TTLL11: variants seen among roughly 807,000 people sequenced by gnomAD.
TTLL11 encodes tubulin tyrosine ligase like 11.
TTLL11 carries 42 observed loss-of-function variants against 51.7 expected under a neutral mutation model. The observed-to-expected ratio is 0.81, with a 90% CI of 0.64 to 1.05. TTLL11 has a LOEUF of 1.05. TTLL11 is among the 50% of genes least tolerant of loss of function. The probability of loss-of-function intolerance (pLI) is 0.00; values close to 1 mark genes in which losing one functional copy is unlikely to be tolerated. For missense variants in TTLL11, 799 were observed against 940.4 expected (o/e 0.85, Z 1.97); for synonymous variants, 381 against 383.5 (o/e 0.99, Z 0.08).
chr9:122,089,717 GAGGA>G (rs1158358422), intron 1 of TTLL11, among the ~76,000 whole-genome samples: 3 of 152,186 alleles, frequency 2.0e-5, no homozygotes, highest in African/African-American at 7.2e-5. Context: ...ATGCAGTAAT[GAGGA>G]AGGGTGACAG....
rs144048967 is a variant in TTLL11, at chr9:121,818,946, C to T, written c.*3641G>A. 4.8e-3 allele frequency: 732 copies of T among 152,574 alleles called. 7 individuals carry two copies. Among genetic ancestry groups the T allele is most frequent in the African/African-American group, 0.016 (678 of 41,546 alleles). 9.5% of individuals were successfully genotyped at this position (152,574 alleles called of 1,614,324 possible). A position where few individuals can be genotyped will look rare whatever the true frequency, so the allele number is the denominator to read the frequency against. ...GCTCTGTGGCTCTCCAAGTTCCTTC[C>T]AGACCTATGGAGATGGAGGGTAGGG... On this transcript the variant is annotated 3_prime_UTR_variant, in exon 9 of 9. Transcript: ENST00000321582.
chr9:121,861,386 A>G (rs1410206332), intron 7 of TTLL11, among the ~76,000 whole-genome samples: 2 of 151,882 alleles, frequency 1.3e-5, no homozygotes, highest in Non-Finnish European at 2.9e-5. Flanking sequence ...CAGGAGAGCA[A>G]GTCTTGAGTT....
intron 1 of TTLL11, among the ~76,000 whole-genome samples, chr9:122,069,114 C>A (rs1208822794): frequency 6.6e-6 from 1 of 152,212 alleles, no homozygotes; most frequent in Non-Finnish European, 1.5e-5. Flanking sequence ...AGTGAATACA[C>A]ACAGTGAACA....
chr9:121,905,011 T>C (rs1355902145), intron 6 of TTLL11, among the ~76,000 whole-genome samples: 1 of 152,224 alleles, frequency 6.6e-6, no homozygotes, highest in African/African-American at 2.4e-5. Flanking sequence ...TCTTTCACTT[T>C]GAAAAGCTCA....
chr9:122,005,938 C>T (rs1588198327), intron 3 of TTLL11, among the ~76,000 whole-genome samples: 4 of 152,322 alleles, frequency 2.6e-5, no homozygotes, highest in Admixed American at 1.3e-4. Context: ...GGTGAATAAT[C>T]TATCTGTATA....
At chr9:121,856,266 T>C (rs1445735757) in intron 8 of TTLL11, among the ~76,000 whole-genome samples, 2 of 152,062 alleles carry the variant, frequency 1.3e-5, no homozygotes, top group African/African-American at 4.8e-5. Flanking sequence ...AGAGACGGGG[T>C]CTTGCTATGT....
At chr9:122,018,427 T>G (rs1210900839) in intron 3 of TTLL11, among the ~76,000 whole-genome samples, 1 of 152,206 alleles carries the variant, frequency 6.6e-6, no homozygotes, top group Admixed American at 6.5e-5. Context: ...TAATGCCATA[T>G]TCTTAAAAAA....
chr9:122,022,366 G>GA (rs1198234547), intron 3 of TTLL11, among the ~76,000 whole-genome samples: 3 of 151,438 alleles, frequency 2.0e-5, no homozygotes, highest in African/African-American at 4.8e-5. Context: ...CAATGATAAA[G>GA]AAAAAATATT....
At chr9:121,948,968 G>T (rs1428959956) in intron 6 of TTLL11, among the ~76,000 whole-genome samples, 1 of 152,114 alleles carries the variant, frequency 6.6e-6, no homozygotes, top group Non-Finnish European at 1.5e-5. Context: ...TCTTACCAAG[G>T]CATGGCTGCC....
At chr9:122,076,362 A>T (rs1845859070) in intron 1 of TTLL11, among the ~76,000 whole-genome samples, 2 of 152,218 alleles carry the variant, frequency 1.3e-5, no homozygotes, top group African/African-American at 4.8e-5. Context: ...TGGCAAGGCA[A>T]GAATCAGACT....
At chr9:121,842,031 G>A (rs1401435591) in intron 8 of TTLL11, among the ~76,000 whole-genome samples, 1 of 152,078 alleles carries the variant, frequency 6.6e-6, no homozygotes, top group Non-Finnish European at 1.5e-5. Flanking sequence ...CCACCTCTCA[G>A]GGGGCAAAGG....
At chr9:122,066,735 A>G (rs1845593481) in intron 1 of TTLL11, among the ~76,000 whole-genome samples, 2 of 152,152 alleles carry the variant, frequency 1.3e-5, no homozygotes, top group African/African-American at 2.4e-5. Flanking sequence ...CCAGAGTAGT[A>G]TGGTCCGTTT....
chr9:121,822,764 C>T lies in TTLL11; in HGVS notation c.1956G>A (p.Leu652=), dbSNP rs752061350. ...ASLIDLCEYH[L]SLLDEKRLVC... is the part of the protein sequence containing the mutation. ...CCAGGCGTTTTTCATCCAGCAGGGACAGGTGGTACTCGCAAAGGTCAATCA... is the reference window on the plus strand; with the variant it reads ...CCAGGCGTTTTTCATCCAGCAGGGATAGGTGGTACTCGCAAAGGTCAATCA... The change falls in exon 9 of 9, where the codon CTG becomes CTA. Residue 652 remains leucine (L), a synonymous_variant. Transcript: ENST00000321582. The surrounding 1 kb of genome is among the most constrained non-coding windows in gnomAD (Gnocchi z 5.8). 10 of 1,551,588 alleles carry T rather than the reference C, an allele frequency of 6.4e-6. No homozygotes were observed. The South Asian group carries it at 1.2e-4, about 18-fold the overall frequency.
At position 121,816,293 on chromosome 9, in the gene TTLL11, G is replaced by A. The variant is rs1467080593; in HGVS notation, c.*6294C>T. On this transcript the variant is annotated 3_prime_UTR_variant, in exon 9 of 9. Coordinates refer to ENST00000321582, the MANE Select transcript of TTLL11 (RefSeq NM_001139442.2). ...GGAAAATATCCCTGCGGTCTGCGAGGGGCTTGGGGGAGCAGTCAGTGTTCT... is the reference window on the plus strand; with the variant it reads ...GGAAAATATCCCTGCGGTCTGCGAGAGGCTTGGGGGAGCAGTCAGTGTTCT... 1 of 152,210 alleles carries A rather than the reference G, an allele frequency of 6.6e-6. No individual in the cohort carries two copies. Among genetic ancestry groups the A allele is most frequent in the Non-Finnish European group, 1.5e-5 (1 of 68,040 alleles). 9.4% of individuals were successfully genotyped at this position (152,210 alleles called of 1,614,324 possible).
intron 6 of TTLL11, among the ~76,000 whole-genome samples, chr9:121,873,225 G>C (rs1174427915): frequency 6.6e-6 from 1 of 152,200 alleles, no homozygotes; most frequent in Non-Finnish European, 1.5e-5. Flanking sequence ...ACTTTGCACA[G>C]TAGACTGTTA....
chr9:122,046,419 TC>T (rs1178246502), intron 1 of TTLL11, among the ~76,000 whole-genome samples: 1 of 152,154 alleles, frequency 6.6e-6, no homozygotes, highest in Non-Finnish European at 1.5e-5. Context: ...CAATTAAACC[TC>T]TTTCCCTTAT....
chr9:121,932,138 G>A lies in TTLL11; in HGVS notation c.1481+41871C>T, dbSNP rs79872019. 4.0e-3 allele frequency among the ~76,000 whole-genome samples: 610 copies of A among 152,152 alleles called. 9 individuals are homozygous for A. The highest frequency in any genetic ancestry group is 4.4e-3 in the Non-Finnish European group (302 of 68,018). ...TGCATATTCTATTTATCTCCATTAC[G>A]AGCCTATGAGTTCTTGAGAGTTGAC... On this transcript the variant is annotated intron_variant, in intron 6 of 8. Transcript: ENST00000321582.
At position 121,819,637 on chromosome 9, in the gene TTLL11, C is replaced by G. The variant is rs1043951012; in HGVS notation, c.*2950G>C. Among the ~76,000 whole-genome samples the G allele has an allele frequency of 6.6e-6, 1 of 152,056 alleles. No homozygotes were observed. Among genetic ancestry groups the G allele is most frequent in the African/African-American group, 2.4e-5 (1 of 41,390 alleles). On this transcript the variant is annotated 3_prime_UTR_variant, in exon 9 of 9. Coordinates refer to ENST00000321582, the MANE Select transcript of TTLL11 (RefSeq NM_001139442.2). ...GGGCAAGAGAGCGGGAGGGAGAAGA[C>G]GCTGGAGATGGATCCTGAGGGCGCT...
Position 121,870,737 on chromosome 9 carries a change from AG to A in TTLL11, c.1492del (p.Glu499LysfsTer15). ...KKKRENQSQQ[L>X]EKPFAGKEDA... ...TTCCTTTCCAGCGAATGGTTTTTCA[AG>A]CTGCTGAGACCTGAAGCACACAAAG... On this transcript the variant is annotated frameshift_variant, in exon 7 of 9. Transcript: ENST00000321582. LOFTEE classifies it high-confidence loss of function. The A allele has an allele frequency of 6.5e-7, 1 of 1,547,594 alleles. No homozygotes were observed. The highest frequency in any genetic ancestry group is 8.7e-7 in the Non-Finnish European group (1 of 1,144,210).
Sources: gnomAD v4.1 joint callset for allele counts (sites outside exome capture counted in the v4.1 genomes callset) on GRCh38, gnomAD v4.1.1 for gene constraint, Gnocchi (gnomAD v3.1) non-coding constraint, MANE v1.5 for transcripts, NCBI Gene and HGNC (gene_info 2026-07-23, HGNC 2026-07-21) for gene names.